Variants in GRID2 observed in about 807,000 individuals in gnomAD.
GRID2 encodes glutamate receptor ionotropic, delta-2.
A neutral mutation model predicts 114.8 loss-of-function variants in GRID2; 33 were observed. The observed-to-expected ratio is 0.29, with a 90% CI of 0.22 to 0.38. The LOEUF is 0.38. Ranked by LOEUF, GRID2 falls within the 10% of genes least tolerant of loss-of-function variation. The probability of loss-of-function intolerance (pLI) is 1.00; values close to 1 mark genes in which losing one functional copy is unlikely to be tolerated. For missense variants in GRID2, 1,184 were observed against 1,257.7 expected (o/e 0.94, Z 0.89); for synonymous variants, 505 against 449.9 (o/e 1.12, Z -1.55).
chr4:93,072,023 A>C (rs1442881152), intron 2 of GRID2, among the ~76,000 whole-genome samples: 2 of 152,176 alleles, frequency 1.3e-5, no homozygotes, highest in Non-Finnish European at 2.9e-5. Flanking sequence ...CACAATGTCA[A>C]ATCCAGAAGA....
chr4:92,591,489 T>C (rs1284217589), intron 2 of GRID2, among the ~76,000 whole-genome samples: 1 of 152,170 alleles, frequency 6.6e-6, no homozygotes, highest in Non-Finnish European at 1.5e-5. Flanking sequence ...AACATTTGCC[T>C]CATTAAAAAT....
At chr4:93,339,216 A>G (rs535125386) in intron 8 of GRID2, among the ~76,000 whole-genome samples, 6 of 152,200 alleles carry the variant, frequency 3.9e-5, no homozygotes, top group Non-Finnish European at 8.8e-5. Context: ...TCCAAAAAAG[A>G]TATCTTGAAG....
chr4:92,685,144 A>G (rs1733838821), intron 2 of GRID2, among the ~76,000 whole-genome samples: 1 of 152,092 alleles, frequency 6.6e-6, no homozygotes, highest in Non-Finnish European at 1.5e-5. Flanking sequence ...GTTAAAATTT[A>G]ATTTTTCAAA....
chr4:93,781,152 G>T (rs1734470243), intron 1 of GRID2, among the ~76,000 whole-genome samples: 3 of 152,200 alleles, frequency 2.0e-5, no homozygotes, highest in Non-Finnish European at 4.4e-5. Context: ...GAATTAGAGG[G>T]CTTGGGGGAA....
intron 13 of GRID2, among the ~76,000 whole-genome samples, chr4:93,580,997 C>T (rs150011465): frequency 0.011 from 1,691 of 151,698 alleles, 25 homozygotes; most frequent in Non-Finnish European, 0.017. Context: ...GCAGAACATG[C>T]GGGTTTGTTA....
chr4:92,419,991 A>T (rs1295909820), intron 1 of GRID2, among the ~76,000 whole-genome samples: 3 of 152,148 alleles, frequency 2.0e-5, no homozygotes, highest in Non-Finnish European at 2.9e-5. Context: ...ATAAAGTATG[A>T]TATTTTCAGC....
chr4:92,907,946 C>G (rs1748083688), intron 2 of GRID2, among the ~76,000 whole-genome samples: 1 of 152,026 alleles, frequency 6.6e-6, no homozygotes, highest in Non-Finnish European at 1.5e-5. Context: ...TCGCTTGAAT[C>G]CGGGAGGCAG....
intron 2 of GRID2, among the ~76,000 whole-genome samples, chr4:92,653,880 A>C (rs572374892): frequency 6.6e-6 from 1 of 152,256 alleles, no homozygotes; most frequent in African/African-American, 2.4e-5. Flanking sequence ...ATTCTTGAAT[A>C]CTTTTTGGCT....
intron 2 of GRID2, among the ~76,000 whole-genome samples, chr4:92,985,402 A>AT (rs1288568162): frequency 6.6e-6 from 1 of 151,674 alleles, no homozygotes; most frequent in African/African-American, 2.4e-5. Context: ...GCCGGGCTAA[A>AT]TTTTTTTGTA....
At chr4:92,749,529 G>A (rs955536222) in intron 2 of GRID2, among the ~76,000 whole-genome samples, 1 of 151,836 alleles carries the variant, frequency 6.6e-6, no homozygotes, top group African/African-American at 2.4e-5. Flanking sequence ...TGGCCAAGAT[G>A]GTCTCCATCT....
chr4:93,235,362 T>C (rs566111638), intron 7 of GRID2, among the ~76,000 whole-genome samples: 2 of 152,258 alleles, frequency 1.3e-5, no homozygotes, highest in East Asian at 3.9e-4. Context: ...CTTATATTGT[T>C]GAAAATCTGC....
rs182222302 is a variant in GRID2, at chr4:92,600,257, G to C, written c.244+9971G>C. On this transcript the variant is annotated intron_variant, in intron 2 of 15. Coordinates refer to ENST00000282020, the MANE Select transcript of GRID2 (RefSeq NM_001510.4). ...TTATACAAACAGAAAGTTCTGAAGT[G>C]GTCTCATGTACTCATTCATGTTATT... 8.0e-4 allele frequency among the ~76,000 whole-genome samples: 121 copies of C among 151,302 alleles called. 1 individual carries two copies. The East Asian group carries it at 0.017, about 21-fold the overall frequency.
intron 11 of GRID2, among the ~76,000 whole-genome samples, chr4:93,486,388 T>A (rs926832777): frequency 6.6e-6 from 1 of 151,670 alleles, no homozygotes; most frequent in Non-Finnish European, 1.5e-5. Flanking sequence ...TCCAATTCAA[T>A]GCTGAATAGA....
chr4:92,311,100 C>A (rs1468150433), intron 1 of GRID2, among the ~76,000 whole-genome samples: 1 of 151,990 alleles, frequency 6.6e-6, no homozygotes, highest in African/African-American at 2.4e-5. Flanking sequence ...CCTACAGCAT[C>A]ACTCCTATAG....
chr4:93,690,732 A>T (rs1005339100), intron 14 of GRID2, among the ~76,000 whole-genome samples: 1 of 151,788 alleles, frequency 6.6e-6, no homozygotes, highest in Admixed American at 6.6e-5. Context: ...TAATCATTTC[A>T]ATATAATGTA....
chr4:93,421,509 G>A (rs370218560), intron 9 of GRID2, among the ~76,000 whole-genome samples: 14 of 152,040 alleles, frequency 9.2e-5, no homozygotes, highest in Admixed American at 8.5e-4. Flanking sequence ...TTAAAGAAAT[G>A]TTACAAATAC....
chr4:92,305,008 TGA>T (rs1725302354), intron 1 of GRID2, among the ~76,000 whole-genome samples: 1 of 152,118 alleles, frequency 6.6e-6, no homozygotes, highest in Non-Finnish European at 1.5e-5. Context: ...GACCTGAGTG[TGA>T]GTGTGTGCTG....
chr4:92,620,598 ATATT>A (rs74614081), intron 2 of GRID2, among the ~76,000 whole-genome samples: 8,405 of 151,826 alleles, frequency 0.055, 295 homozygotes, highest in East Asian at 0.16. Flanking sequence ...ATGGTAGTTC[ATATT>A]TATTGAATTG....
At chr4:93,454,386 T>C (rs1416801777) in intron 10 of GRID2, among the ~76,000 whole-genome samples, 3 of 152,094 alleles carry the variant, frequency 2.0e-5, no homozygotes, top group African/African-American at 4.8e-5. Flanking sequence ...ATCTAACTTC[T>C]GTACTTACTA....
Sources: gnomAD v4.1 joint callset for allele counts (sites outside exome capture counted in the v4.1 genomes callset) on GRCh38, gnomAD v4.1.1 for gene constraint, MANE v1.5 for transcripts, NCBI Gene and HGNC (gene_info 2026-07-23, HGNC 2026-07-21) for gene names.